CADM1: variants seen among roughly 807,000 people sequenced by gnomAD.
CADM1 encodes TSLC-1.
In CADM1, 15 loss-of-function variants were observed where a neutral mutation model predicts 53.1. The ratio of observed to expected loss-of-function variants is 0.28; its 90% CI spans 0.19 to 0.44. The LOEUF is 0.44. Among genes scored for constraint, CADM1 ranks in the 20% least tolerant of loss-of-function variants. The pLI, the probability that CADM1 is intolerant of heterozygous loss-of-function variation, is 1.00. For synonymous variants in CADM1, 281 were observed against 243.0 expected (o/e 1.16, Z -1.45); for missense variants, 434 against 611.3 (o/e 0.71, Z 3.06).
At chr11:115,255,051 T>C (rs1339100859) in intron 1 of CADM1, among the ~76,000 whole-genome samples, 1 of 151,836 alleles carries the variant, frequency 6.6e-6, no homozygotes, top group Non-Finnish European at 1.5e-5. Context: ...GAAAAGAGTA[T>C]AGAGAAGAGG....
At chr11:115,270,202 CAT>C (rs756916009) in intron 1 of CADM1, among the ~76,000 whole-genome samples, 7 of 152,284 alleles carry the variant, frequency 4.6e-5, no homozygotes, top group Non-Finnish European at 7.4e-5. Context: ...GTCTAGATTT[CAT>C]ATCAGACACT....
At chr11:115,377,784 G>A (rs1946476596) in intron 1 of CADM1, 1 of 152,288 alleles carries the variant, frequency 6.6e-6, no homozygotes. Flanking sequence ...AAGCTTCAGT[G>A]TGAAAGAGAC....
intron 4 of CADM1, among the ~76,000 whole-genome samples, chr11:115,230,043 C>G (rs1371397151): frequency 6.6e-6 from 1 of 152,174 alleles, no homozygotes; most frequent in African/African-American, 2.4e-5. Context: ...ACACCATTAA[C>G]TTTCTTTTAA....
intron 1 of CADM1, among the ~76,000 whole-genome samples, chr11:115,256,568 G>A (rs2134998706): frequency 6.6e-6 from 1 of 152,184 alleles, no homozygotes; most frequent in East Asian, 1.9e-4. Flanking sequence ...ATTCACCTCA[G>A]AGTGAAAGGC....
intron 1 of CADM1, among the ~76,000 whole-genome samples, chr11:115,502,996 G>A (rs2135450791): frequency 1.3e-5 from 2 of 152,288 alleles, no homozygotes; most frequent in South Asian, 4.1e-4. Context: ...GCTGCAAGGA[G>A]GGGCTTTGCA....
chr11:115,355,876 G>C (rs192009402), intron 1 of CADM1, among the ~76,000 whole-genome samples: 200 of 152,256 alleles, frequency 1.3e-3, no homozygotes, highest in African/African-American at 4.5e-3. Flanking sequence ...CTGTAGCCCA[G>C]GCTGGAGTAC....
intron 1 of CADM1, among the ~76,000 whole-genome samples, chr11:115,437,992 A>G (rs1948221371): frequency 6.6e-6 from 1 of 152,226 alleles, no homozygotes; most frequent in African/African-American, 2.4e-5. Flanking sequence ...CTCCAGGAGC[A>G]CCGTGTAACG....
chr11:115,272,882 T>C (rs1943339757), intron 1 of CADM1, among the ~76,000 whole-genome samples: 1 of 151,744 alleles, frequency 6.6e-6, no homozygotes, highest in Non-Finnish European at 1.5e-5. Context: ...ACATGTACCC[T>C]AAAACTTAAA....
chr11:115,463,927 G>A (rs533962780), intron 1 of CADM1, among the ~76,000 whole-genome samples: 1 of 152,150 alleles, frequency 6.6e-6, no homozygotes, highest in Admixed American at 6.5e-5. Context: ...CAGCTGCCAG[G>A]TGCAAATTAA....
intron 1 of CADM1, among the ~76,000 whole-genome samples, chr11:115,471,885 G>T (rs1949019358): frequency 6.6e-6 from 1 of 152,192 alleles, no homozygotes. Flanking sequence ...GAAAGATTGG[G>T]TTGGGCATGC....
chr11:115,396,880 G>A (rs573869660), intron 1 of CADM1: 1 of 151,918 alleles, frequency 6.6e-6, no homozygotes, highest in Non-Finnish European at 1.5e-5. Flanking sequence ...GCCCCAGTGT[G>A]AAAGTCTCTC....
chr11:115,444,234 A>T (rs1362477497), intron 1 of CADM1, among the ~76,000 whole-genome samples: 2 of 152,180 alleles, frequency 1.3e-5, no homozygotes, highest in African/African-American at 4.8e-5. Flanking sequence ...AGAGTTAATA[A>T]AGCCTTCTGC....
chr11:115,264,856 C>T (rs747130011), intron 1 of CADM1, among the ~76,000 whole-genome samples: 1 of 152,174 alleles, frequency 6.6e-6, no homozygotes, highest in Non-Finnish European at 1.5e-5. Flanking sequence ...CTTCTTTCCA[C>T]ACCTACACAA....
rs757286282 is a variant in CADM1 at position 115,178,661 on chromosome 11, T to A, written c.1280A>T (p.Tyr427Phe). The A allele has an allele frequency of 6.2e-7, 1 of 1,613,416 alleles. No homozygotes were observed. The highest frequency in any genetic ancestry group is 8.5e-7 in the Non-Finnish European group (1 of 1,179,978). The change falls in exon 11 of 12, where the codon TAT becomes TTT. Residue 427 changes from tyrosine (Y) to phenylalanine (F), a missense_variant. Tyr to Phe is a conservative substitution (Grantham distance 22). Around this residue, in one of 4 missense-constraint regions of CADM1, gnomAD observed 311 missense variants for 435.1 expected, o/e 0.71. Coordinates refer to ENST00000331581, the MANE Select transcript of CADM1 (RefSeq NM_001301043.2). Reference protein sequence around the residue: ...MLCLLIILGRYFARHKGTYFT... With the variant: ...MLCLLIILGRFFARHKGTYFT... ...TTGCTTACCTTTATGTCTGGCAAAA[T>A]AGCGCCCCAGAATGATGAGCAAGCA... is the stretch of plus-strand genomic sequence containing the variant.
intron 1 of CADM1, among the ~76,000 whole-genome samples, chr11:115,357,366 T>C (rs531045872): frequency 2.8e-4 from 42 of 152,206 alleles, no homozygotes; most frequent in Non-Finnish European, 5.6e-4. Flanking sequence ...CATTCAGTTT[T>C]AAATGTTTAC....
At chr11:115,496,138 G>A (rs915928940) in intron 1 of CADM1, among the ~76,000 whole-genome samples, 3 of 152,062 alleles carry the variant, frequency 2.0e-5, no homozygotes, top group Non-Finnish European at 4.4e-5. Context: ...AAATTTTCAC[G>A]AAAATCATGG....
intron 1 of CADM1, among the ~76,000 whole-genome samples, chr11:115,259,213 T>C (rs1026210551): frequency 6.7e-6 from 1 of 150,070 alleles, no homozygotes; most frequent in African/African-American, 2.5e-5. Flanking sequence ...CTCGAACTCC[T>C]GGCCTCAAGT....
chr11:115,225,238 A>C (rs1004263507), intron 5 of CADM1, among the ~76,000 whole-genome samples: 3 of 151,070 alleles, frequency 2.0e-5, no homozygotes, highest in Non-Finnish European at 4.4e-5. Context: ...CACAAACAAG[A>C]GCGGCTAATG....
intron 10 of CADM1, among the ~76,000 whole-genome samples, chr11:115,182,264 T>G (rs1383417665): frequency 6.6e-6 from 1 of 152,152 alleles, no homozygotes; most frequent in Admixed American, 6.5e-5. Flanking sequence ...TGGAAAGCAC[T>G]TTTAAACATG....
Sources: allele counts gnomAD v4.1 joint callset (sites outside exome capture counted in the v4.1 genomes callset), GRCh38; gene constraint gnomAD v4.1.1; regional missense constraint gnomAD v4.1.1; transcripts MANE v1.5; gene names NCBI Gene and HGNC (gene_info 2026-07-23, HGNC 2026-07-21).